Variants in NEGR1 observed in about 807,000 individuals in gnomAD.
NEGR1 encodes IgLON family member 4.
NEGR1 carries 10 observed loss-of-function variants against 40.9 expected under a neutral mutation model. That is an observed-to-expected ratio of 0.24 (90% CI 0.15 to 0.42). The LOEUF is 0.42. NEGR1 is among the 10% of genes least tolerant of loss of function. NEGR1 has a pLI of 1.00. For missense variants in NEGR1, 352 were observed against 438.9 expected (o/e 0.80, Z 1.77); for synonymous variants, 185 against 166.8 (o/e 1.11, Z -0.84).
intron 1 of NEGR1, among the ~76,000 whole-genome samples, chr1:72,040,077 C>T (rs1646938382): frequency 6.6e-6 from 1 of 151,926 alleles, no homozygotes; most frequent in Non-Finnish European, 1.5e-5. Flanking sequence ...AATTATCCTT[C>T]CTGAAAAATT....
intron 1 of NEGR1, among the ~76,000 whole-genome samples, chr1:71,947,589 G>C (rs1198642526): frequency 6.6e-6 from 1 of 152,154 alleles, no homozygotes; most frequent in East Asian, 1.9e-4. Flanking sequence ...GCAACCTCTA[G>C]ATATTGTTTT....
At chr1:71,643,589 GAAAGAGAGA>G (rs1651429272) in intron 4 of NEGR1, among the ~76,000 whole-genome samples, 1 of 151,954 alleles carries the variant, frequency 6.6e-6, no homozygotes, top group Admixed American at 6.6e-5. Context: ...TAGCCTCAAA[GAAAGAGAGA>G]AAAGGATATT....
At chr1:72,008,714 T>A (rs1266645419) in intron 1 of NEGR1, among the ~76,000 whole-genome samples, 1 of 152,094 alleles carries the variant, frequency 6.6e-6, no homozygotes, top group African/African-American at 2.4e-5. Context: ...GTCCCATGAT[T>A]AATGCAGTGT....
intron 4 of NEGR1, among the ~76,000 whole-genome samples, chr1:71,655,333 GAAAT>G (rs1285744108): frequency 6.6e-6 from 1 of 152,220 alleles, no homozygotes; most frequent in Admixed American, 6.5e-5. Flanking sequence ...CCACATGTAT[GAAAT>G]AGTCAGGGAT....
intron 1 of NEGR1, among the ~76,000 whole-genome samples, chr1:72,203,422 T>A (rs77085065): frequency 8.0e-4 from 121 of 152,184 alleles, no homozygotes; most frequent in African/African-American, 2.8e-3. Flanking sequence ...AAGTGGAGGC[T>A]GAAGGTATGA....
intron 3 of NEGR1, among the ~76,000 whole-genome samples, chr1:71,701,409 A>G (rs1363261559): frequency 6.6e-6 from 1 of 151,422 alleles, no homozygotes; most frequent in Non-Finnish European, 1.5e-5. Context: ...CCCTTTCTCC[A>G]TTTTCCAAAC....
intron 1 of NEGR1, among the ~76,000 whole-genome samples, chr1:71,942,136 G>T (rs1428371748): frequency 6.7e-6 from 1 of 149,666 alleles, no homozygotes; most frequent in Non-Finnish European, 1.5e-5. Context: ...GTTGGAAAAA[G>T]AATTCTATTT....
chr1:71,804,330 T>C (rs1005874413), intron 2 of NEGR1, among the ~76,000 whole-genome samples: 6 of 152,180 alleles, frequency 3.9e-5, no homozygotes, highest in Non-Finnish European at 7.3e-5. Flanking sequence ...ACAGATGTCA[T>C]GCATGCAGTG....
chr1:72,076,890 CTTTTTTTTTT>C (rs56943357), intron 1 of NEGR1, among the ~76,000 whole-genome samples: 6 of 101,690 alleles, frequency 5.9e-5, no homozygotes, highest in African/African-American at 1.2e-4. Flanking sequence ...CTCATTTATC[CTTTTTTTTTT>C]TTTTTTTTTT....
intron 1 of NEGR1, among the ~76,000 whole-genome samples, chr1:72,128,003 A>AT (rs1170279788): frequency 6.6e-6 from 1 of 152,212 alleles, no homozygotes; most frequent in Non-Finnish European, 1.5e-5. Flanking sequence ...AGTAAAATGA[A>AT]TAAAACTAAT....
chr1:72,223,415 T>C (rs1654075096), intron 1 of NEGR1, among the ~76,000 whole-genome samples: 1 of 152,210 alleles, frequency 6.6e-6, no homozygotes, highest in Admixed American at 6.5e-5. Context: ...CAAAGACTTT[T>C]GAAAATCCTA....
chr1:71,673,228 A>AG (rs1460766908), intron 4 of NEGR1, among the ~76,000 whole-genome samples: 4 of 151,918 alleles, frequency 2.6e-5, no homozygotes, highest in African/African-American at 7.3e-5. Context: ...CCAAAAAAAA[A>AG]CAACCCAAAA....
At chr1:72,002,981 A>T (rs1646570974) in intron 1 of NEGR1, among the ~76,000 whole-genome samples, 1 of 152,208 alleles carries the variant, frequency 6.6e-6, no homozygotes, top group Non-Finnish European at 1.5e-5. Context: ...ACTGTTATTA[A>T]CATGTAAAGT....
chr1:71,899,824 C>T (rs1467188384), intron 2 of NEGR1, among the ~76,000 whole-genome samples: 1 of 152,108 alleles, frequency 6.6e-6, no homozygotes. Flanking sequence ...TCTCATCAAA[C>T]ATGAACCATT....
In NEGR1 at chr1:71,930,107, G is replaced by T. The variant is rs376817258; in HGVS notation, c.409+4972C>A. On this transcript the variant is annotated intron_variant, in intron 2 of 6. Coordinates refer to ENST00000357731, the MANE Select transcript of NEGR1 (RefSeq NM_173808.3). The stretch of plus-strand genomic sequence containing the variant: ...CATAGATTAAGGTGGTAATCAAAAA[G>T]CTATCTCCCTGTTATTGGAATGGCA... Among the ~76,000 whole-genome samples, 26 of 152,152 alleles carry T rather than the reference G, an allele frequency of 1.7e-4. No individual in the cohort carries two copies. In the East Asian group the frequency reaches 4.8e-3, roughly 28 times the overall value.
intron 1 of NEGR1, among the ~76,000 whole-genome samples, chr1:72,251,739 T>C (rs1655098515): frequency 6.6e-6 from 1 of 152,298 alleles, no homozygotes; most frequent in South Asian, 2.1e-4. Flanking sequence ...CATGGTTGAA[T>C]TTGCCAATGA....
chr1:71,942,274 A>G (rs1381598159), intron 1 of NEGR1, among the ~76,000 whole-genome samples: 1 of 150,374 alleles, frequency 6.7e-6, no homozygotes, highest in Non-Finnish European at 1.5e-5. Context: ...AAACATTTTT[A>G]CATTGTAAAT....
In NEGR1 at chr1:72,045,454, A is replaced by G. The variant is rs1569871677; in HGVS notation, c.177-110143T>C. 2.0e-5 allele frequency among the ~76,000 whole-genome samples: 3 copies of G among 151,750 alleles called. No individual in the cohort carries two copies. The Admixed American group carries it at 2.0e-4, about 10-fold the overall frequency. ...TGTGTTGTGGGAAAGACCAAATGGA[A>G]GATGATTGAAATATGGGGGTGGGTG... On this transcript the variant is annotated intron_variant, in intron 1 of 6. Transcript: ENST00000357731.
At chr1:71,931,475 G>T (rs1049912066) in intron 2 of NEGR1, among the ~76,000 whole-genome samples, 2 of 142,492 alleles carry the variant, frequency 1.4e-5, no homozygotes, top group Non-Finnish European at 3.1e-5. Context: ...ATTTTTGGGG[G>T]CTGAGAAGTC....
Sources: allele counts gnomAD v4.1 joint callset (sites outside exome capture counted in the v4.1 genomes callset), GRCh38; gene constraint gnomAD v4.1.1; transcripts MANE v1.5; gene names NCBI Gene and HGNC (gene_info 2026-07-23, HGNC 2026-07-21).